Variants in DAD1 observed in about 807,000 individuals in gnomAD.
DAD1 encodes defender against cell death 1.
In DAD1, 4 loss-of-function variants were observed where a neutral mutation model predicts 9.0. The observed-to-expected ratio is 0.44, with a 90% CI of 0.22 to 1.01. The LOEUF is 1.01. Ranked by LOEUF, DAD1 falls within the 50% of genes least tolerant of loss-of-function variation. The pLI is 0.24. For synonymous variants in DAD1, 60 were observed against 62.5 expected (o/e 0.96, Z 0.19); for missense variants, 119 against 137.3 (o/e 0.87, Z 0.67).
chr14:22,588,799 A>T, intron 1 of DAD1, 148 bp downstream of exon 1: 1 of 817,882 alleles, frequency 1.2e-6, no homozygotes, highest in Non-Finnish European at 1.9e-6. Flanking sequence ...AAGCTTTCTG[A>T]GCCTCAATTT....
At chr14:22,575,706 C>T (rs1201649557) in intron 1 of DAD1, among the ~76,000 whole-genome samples, 1 of 152,160 alleles carries the variant, frequency 6.6e-6, no homozygotes, top group African/African-American at 2.4e-5. Context: ...CGCCACCATG[C>T]CCGGCTAATT....
rs192327927 is a variant in DAD1 at position 22,569,077 on chromosome 14, C to T, written c.*45-3940G>A. On this transcript the variant is annotated intron_variant, in intron 2 of 2. Coordinates refer to ENST00000250498, the MANE Select transcript of DAD1 (RefSeq NM_001344.4). ...ATCTTTGCCTTGGCTTTTTTTCTTT[C>T]GTACCACTTTCCATGTTTTAGCATC... is the stretch of plus-strand genomic sequence containing the variant. Among the ~76,000 whole-genome samples, 402 of 152,230 alleles carry T rather than the reference C, an allele frequency of 2.6e-3. 1 individual carries two copies. In the Middle Eastern group the frequency reaches 0.037, roughly 14 times the overall value.
intron 1 of DAD1, 62 bp from the exon 2 acceptor site, chr14:22,575,295 G>C: frequency 1.9e-6 from 3 of 1,568,194 alleles, no homozygotes; most frequent in Non-Finnish European, 2.6e-6. Flanking sequence ...ATATGCTAAT[G>C]AACACAGACA....
Position 22,571,008 on chromosome 14 carries a change from ATTTTT to A in DAD1, c.*44+4046_*44+4050del, listed in dbSNP as rs59314743. On this transcript the variant is annotated intron_variant, in intron 2 of 2. Transcript: ENST00000250498. ...TTCAGAACACCTGAGATGGACTGAG[ATTTTT>A]TTTTTTTTTTTTAAAAAAGAGTTTC... Among the ~76,000 whole-genome samples the A allele has an allele frequency of 6.3e-3, 912 of 145,756 alleles. 7 individuals carry two copies. The highest frequency in any genetic ancestry group is 0.02 in the African/African-American group (797 of 39,852).
intron 2 of DAD1, among the ~76,000 whole-genome samples, chr14:22,565,377 T>G (rs2036995887): frequency 6.6e-6 from 1 of 152,194 alleles, no homozygotes; most frequent in Non-Finnish European, 1.5e-5. Context: ...CAAAACGAAC[T>G]AGGAACTGTG....
chr14:22,577,257 A>C (rs759933123), intron 1 of DAD1, among the ~76,000 whole-genome samples: 96 of 152,262 alleles, frequency 6.3e-4, no homozygotes, highest in Non-Finnish European at 9.6e-4. Context: ...AACATGGTGA[A>C]ACCCCGTCTC....
At chr14:22,580,020 T>C (rs1467664678) in intron 1 of DAD1, among the ~76,000 whole-genome samples, 1 of 151,808 alleles carries the variant, frequency 6.6e-6, no homozygotes, top group Admixed American at 6.6e-5. Flanking sequence ...TTTTGTTTGT[T>C]TTTGGTAAAG....
intron 2 of DAD1, among the ~76,000 whole-genome samples, chr14:22,573,089 A>G (rs900754928): frequency 6.6e-6 from 1 of 152,122 alleles, no homozygotes; most frequent in African/African-American, 2.4e-5. Context: ...ACCTATAGCG[A>G]GGCCCTAAAT....
intron 1 of DAD1, among the ~76,000 whole-genome samples, chr14:22,587,825 A>C (rs1594885812): frequency 7.0e-6 from 1 of 142,290 alleles, no homozygotes; most frequent in African/African-American, 2.7e-5. Context: ...TACAACCTCC[A>C]CCTCCCGGGT....
At position 22,589,195 on chromosome 14, in the gene DAD1, CT is replaced by C; in HGVS notation, c.-39del. 2 of 1,605,960 alleles carry C rather than the reference CT, an allele frequency of 1.2e-6. No individual in the cohort carries two copies. The highest frequency in any genetic ancestry group is 2.2e-5 in the South Asian group (2 of 90,734). ...GGTACTCCGGTCCGCGCCCCAAACT[CT>C]TGGAGGACCCGTCGACCACACCGGA... On this transcript the variant is annotated 5_prime_UTR_variant, in exon 1 of 3. Transcript: ENST00000250498.
At chr14:22,588,456 A>T (rs1566376020) in intron 1 of DAD1, among the ~76,000 whole-genome samples, 1 of 152,254 alleles carries the variant, frequency 6.6e-6, no homozygotes, top group African/African-American at 2.4e-5. Flanking sequence ...ACAAGAAAAA[A>T]AGTAGTAGCA....
At chr14:22,588,582 A>T (rs574827636) in intron 1 of DAD1, among the ~76,000 whole-genome samples, 3 of 152,354 alleles carry the variant, frequency 2.0e-5, no homozygotes, top group Non-Finnish European at 4.4e-5. Flanking sequence ...GGCCAAGATG[A>T]CAGAGATGAT....
Position 22,589,164 on chromosome 14 carries a change from A to T in DAD1, c.-7T>A, listed in dbSNP as rs768253359. 6.2e-7 allele frequency: 1 copy of T among 1,614,024 alleles called. No individual in the cohort carries two copies. The highest frequency in any genetic ancestry group is 8.5e-7 in the Non-Finnish European group (1 of 1,179,992). On this transcript the variant is annotated 5_prime_UTR_variant, in exon 1 of 3. Coordinates refer to ENST00000250498, the MANE Select transcript of DAD1 (RefSeq NM_001344.4). ...ACACTACCGACGCCGACATAACTGC[A>T]CGCAAGGTACTCCGGTCCGCGCCCC... is the stretch of plus-strand genomic sequence containing the variant.
chr14:22,584,865 C>T (rs750063359), intron 1 of DAD1, among the ~76,000 whole-genome samples: 1 of 152,176 alleles, frequency 6.6e-6, no homozygotes, highest in African/African-American at 2.4e-5. Context: ...CCTGCAAACA[C>T]AATAGAAGAT....
intron 2 of DAD1, among the ~76,000 whole-genome samples, chr14:22,574,749 C>G (rs941698995): frequency 6.6e-6 from 1 of 151,872 alleles, no homozygotes; most frequent in African/African-American, 2.4e-5. Flanking sequence ...GCAAAACCTA[C>G]CATTTATGTC....
intron 2 of DAD1, among the ~76,000 whole-genome samples, chr14:22,571,088 C>G (rs1435540248): frequency 6.6e-6 from 1 of 151,172 alleles, no homozygotes; most frequent in Non-Finnish European, 1.5e-5. Flanking sequence ...CTTTGGGAGG[C>G]CAAGGCGAGT....
At chr14:22,580,300 GC>G (rs1450221298) in intron 1 of DAD1, among the ~76,000 whole-genome samples, 1 of 151,946 alleles carries the variant, frequency 6.6e-6, no homozygotes, top group African/African-American at 2.4e-5. Flanking sequence ...CACACCTATG[GC>G]CCCAGCTACT....
At chr14:22,567,313 T>C (rs1049883106) in intron 2 of DAD1, 7 of 152,234 alleles carry the variant, frequency 4.6e-5, no homozygotes, top group African/African-American at 1.7e-4. Context: ...TGGGCAGATA[T>C]GTTCAAATAC....
intron 2 of DAD1, 150 bp from the exon 3 acceptor site, chr14:22,565,287 C>A: frequency 1.8e-6 from 1 of 554,822 alleles, no homozygotes; most frequent in South Asian, 2.4e-5. Context: ...TAGAAAGAAG[C>A]AAGTATTTTT....
Sources: gnomAD v4.1 joint callset for allele counts (sites outside exome capture counted in the v4.1 genomes callset) on GRCh38, gnomAD v4.1.1 for gene constraint, MANE v1.5 for transcripts, NCBI Gene and HGNC (gene_info 2026-07-23, HGNC 2026-07-21) for gene names.